Variants in ATP2C2 observed in about 807,000 individuals in gnomAD.
ATP2C2 encodes ATPase secretory pathway Ca2+ transporting 2, also known as calcium-transporting ATPase type 2C member 2.
ATP2C2 carries 171 observed loss-of-function variants against 110.8 expected under a neutral mutation model. That is an observed-to-expected ratio of 1.54 (90% CI 1.36 to 1.75). The LOEUF is 1.75. Ranked by LOEUF, ATP2C2 falls within the 40% of genes most tolerant of loss-of-function variation. The pLI, the probability that ATP2C2 is intolerant of heterozygous loss-of-function variation, is 0.00. For missense variants in ATP2C2, 1,963 were observed against 1,235.0 expected (o/e 1.59, Z -8.84); for synonymous variants, 804 against 508.4 (o/e 1.58, Z -7.82).
intron 17 of ATP2C2, among the ~76,000 whole-genome samples, chr16:84,450,817 A>G (rs1031981126): frequency 6.6e-6 from 1 of 151,954 alleles, no homozygotes; most frequent in African/African-American, 2.4e-5. Context: ...TCCCCTGTCA[A>G]TTTTTCTTAA....
Position 84,409,381 on chromosome 16 carries a change from G to A in ATP2C2, c.417+887G>A, listed in dbSNP as rs535759707. Reference sequence around the variant, plus strand: ...GAGTTGATGGGTGCAGCAAACCAGCGTGGCATATGTATACCTATGTAACAA... The same window carrying A: ...GAGTTGATGGGTGCAGCAAACCAGCATGGCATATGTATACCTATGTAACAA... On this transcript the variant is annotated intron_variant, in intron 4 of 26. Transcript: ENST00000262429. Among the ~76,000 whole-genome samples the A allele has an allele frequency of 6.6e-5, 10 of 152,128 alleles. No individual in the cohort carries two copies. In the South Asian group the frequency reaches 1.9e-3, roughly 28 times the overall value.
intron 1 of ATP2C2, among the ~76,000 whole-genome samples, chr16:84,380,170 A>G (rs1232536420): frequency 1.3e-5 from 2 of 152,136 alleles, no homozygotes; most frequent in African/African-American, 2.4e-5. Context: ...GGGAAAGTCT[A>G]TAAATAGCCA....
chr16:84,371,075 G>C lies in ATP2C2; in HGVS notation c.99+2361G>C, dbSNP rs142471217. Among the ~76,000 whole-genome samples the C allele has an allele frequency of 1.7e-3, 253 of 152,292 alleles. 3 individuals carry two copies. The highest frequency in any genetic ancestry group is 5.9e-3 in the African/African-American group (247 of 41,558). On this transcript the variant is annotated intron_variant, in intron 1 of 26. Transcript: ENST00000262429. ...ATGGTCAGCTGAGAAACTGGGAGAT[G>C]CTTTATTTGAGACCCAGTGGTCTCA... is the stretch of plus-strand genomic sequence containing the variant.
intron 11 of ATP2C2, among the ~76,000 whole-genome samples, chr16:84,431,868 T>A (rs1597824233): frequency 6.6e-6 from 1 of 151,366 alleles, no homozygotes. Context: ...AAGTGGGAGG[T>A]GGGAGCCCCA....
At chr16:84,389,502 G>C (rs1219034522) in intron 1 of ATP2C2, among the ~76,000 whole-genome samples, 7 of 152,196 alleles carry the variant, frequency 4.6e-5, no homozygotes, top group Admixed American at 4.6e-4. Flanking sequence ...TGCGGTACTC[G>C]TGTATACTGG....
chr16:84,378,060 G>A (rs574846685), intron 1 of ATP2C2, among the ~76,000 whole-genome samples: 1 of 152,244 alleles, frequency 6.6e-6, no homozygotes, highest in Admixed American at 6.5e-5. Flanking sequence ...GGAAGAGAGG[G>A]GCCCAAGATC....
intron 7 of ATP2C2, among the ~76,000 whole-genome samples, chr16:84,419,745 G>A (rs185221388): frequency 6.4e-4 from 98 of 152,210 alleles, no homozygotes; most frequent in East Asian, 3.5e-3. Context: ...GCTGGGTACC[G>A]AGGACACCGT....
At position 84,415,567 on chromosome 16, in the gene ATP2C2, C is replaced by G; in HGVS notation, c.600C>G (p.Ile200Met). 6.2e-7 allele frequency: 1 copy of G among 1,613,958 alleles called. No individual in the cohort carries two copies. Among genetic ancestry groups the G allele is most frequent in the South Asian group, 1.1e-5 (1 of 91,040 alleles). Residue 200 changes from isoleucine (I) to methionine (M), a missense_variant, in exon 7 of 27, where the codon ATC becomes ATG. Ile to Met is a conservative substitution (Grantham distance 10). Coordinates refer to ENST00000262429, the MANE Select transcript of ATP2C2 (RefSeq NM_014861.4). Reference sequence around the variant, plus strand: ...TATCTCTCTCGATCGGAGACCGGATCCCTGCAGACATCCGACTCACTGAGG... The same window carrying G: ...TATCTCTCTCGATCGGAGACCGGATGCCTGCAGACATCCGACTCACTGAGG... ...DVVSLSIGDR[I>M]PADIRLTEVT...
rs8054601 is a variant in ATP2C2 at position 84,429,148 on chromosome 16, G to T, written c.986+3347G>T. On this transcript the variant is annotated intron_variant, in intron 11 of 26. Transcript: ENST00000262429. ...CGATCTTCATGGCGTTGTTTTTTTT[G>T]TTTGTTTGTTTGTTTGTTTTCAGAC... Among the ~76,000 whole-genome samples the T allele has an allele frequency of 6.6e-3, 995 of 151,250 alleles. 17 individuals carry two copies. Among genetic ancestry groups the T allele is most frequent in the East Asian group, 0.045 (233 of 5,140 alleles).
intron 17 of ATP2C2, 45 bp downstream of exon 17, chr16:84,448,734 ACATTGACTTTTAAGT>A: frequency 6.4e-7 from 1 of 1,573,662 alleles, no homozygotes; most frequent in Non-Finnish European, 8.6e-7. Flanking sequence ...CTTGCATGTA[ACATTGACTTTTAAGT>A]GCATTCAAGC....
chr16:84,377,637 T>G (rs1007010505), intron 1 of ATP2C2, among the ~76,000 whole-genome samples: 1 of 152,136 alleles, frequency 6.6e-6, no homozygotes, highest in Non-Finnish European at 1.5e-5. Flanking sequence ...AATGACATCA[T>G]TTAGCTGTAA....
At chr16:84,461,263 G>A (rs1911306708) in intron 24 of ATP2C2, 1 of 269,826 alleles carries the variant, frequency 3.7e-6, no homozygotes, top group Non-Finnish European at 7.1e-6. Flanking sequence ...TGAGGCAGGT[G>A]ACCCATGTGA....
At chr16:84,409,931 C>T (rs1567702550) in intron 4 of ATP2C2, among the ~76,000 whole-genome samples, 2 of 151,978 alleles carry the variant, frequency 1.3e-5, no homozygotes, top group South Asian at 4.2e-4. Context: ...TGGAGTAGGC[C>T]GGGTGCGGTG....
chr16:84,447,163 T>C (rs1295705408), intron 16 of ATP2C2, among the ~76,000 whole-genome samples: 1 of 152,178 alleles, frequency 6.6e-6, no homozygotes, highest in Non-Finnish European at 1.5e-5. Context: ...TCCCACTCTT[T>C]CTAGAATCTA....
intron 6 of ATP2C2, among the ~76,000 whole-genome samples, chr16:84,411,480 C>T (rs183179553): frequency 2.6e-3 from 400 of 152,284 alleles, no homozygotes; most frequent in Non-Finnish European, 3.8e-3. Context: ...CTTGCTCTGT[C>T]GCCCAGGCTG....
intron 11 of ATP2C2, among the ~76,000 whole-genome samples, chr16:84,434,520 T>A (rs933333476): frequency 3.3e-5 from 5 of 151,942 alleles, no homozygotes; most frequent in Admixed American, 2.0e-4. Flanking sequence ...AATTTTTGTT[T>A]TGCTTTTGTT....
At chr16:84,434,153 C>T (rs1725715121) in intron 11 of ATP2C2, among the ~76,000 whole-genome samples, 2 of 152,060 alleles carry the variant, frequency 1.3e-5, no homozygotes, top group South Asian at 2.1e-4. Context: ...CACGGTGGCT[C>T]ATGCCTGTAA....
At chr16:84,454,787 TGCAGGCC>T in intron 20 of ATP2C2, 24 bp from the exon 21 acceptor site, 1 of 1,554,142 alleles carries the variant, frequency 6.4e-7, no homozygotes, top group South Asian at 1.2e-5. Flanking sequence ...GTCGTCAGGC[TGCAGGCC>T]TTCATTGCCT....
chr16:84,445,094 A>G (rs1005058474), intron 15 of ATP2C2, among the ~76,000 whole-genome samples: 7 of 152,080 alleles, frequency 4.6e-5, no homozygotes, highest in African/African-American at 1.2e-4. Context: ...TCTGGGTGTT[A>G]CTGGCAGCCC....
Sources: allele counts gnomAD v4.1 joint callset (sites outside exome capture counted in the v4.1 genomes callset), GRCh38; gene constraint gnomAD v4.1.1; transcripts MANE v1.5; gene names NCBI Gene and HGNC (gene_info 2026-07-23, HGNC 2026-07-21).